The following CNBD1 variants were observed in gnomAD, a reference collection of about 807,000 sequenced individuals.
CNBD1 encodes the protein cyclic nucleotide-binding domain-containing protein 1.
A neutral mutation model predicts 54.4 loss-of-function variants in CNBD1; 71 were observed. The ratio of observed to expected loss-of-function variants is 1.30; its 90% CI spans 1.08 to 1.59. The LOEUF (loss-of-function observed/expected upper bound fraction) is 1.59, where lower values mean the gene tolerates loss of function less well. Ranked by LOEUF, CNBD1 falls within the 40% of genes most tolerant of loss-of-function variation. The probability of loss-of-function intolerance (pLI) is 0.00; values close to 1 mark genes in which losing one functional copy is unlikely to be tolerated. For synonymous variants in CNBD1, 182 were observed against 170.7 expected (o/e 1.07, Z -0.51); for missense variants, 659 against 518.0 (o/e 1.27, Z -2.64).
chr8:87,419,092 A>C (rs1300208075), intron 2 of CNBD1, among the ~76,000 whole-genome samples: 2 of 115,538 alleles, frequency 1.7e-5, no homozygotes, highest in African/African-American at 8.3e-5. Context: ...GCATGTCCAT[A>C]TTATATGTAT....
At chr8:87,074,978 T>A (rs1235377079) in intron 4 of CNBD1, among the ~76,000 whole-genome samples, 1 of 152,236 alleles carries the variant, frequency 6.6e-6, no homozygotes, top group African/African-American at 2.4e-5. Context: ...TTATTTAATC[T>A]GTCTTTTTGG....
chr8:86,933,945 T>A (rs993734609), intron 3 of CNBD1, among the ~76,000 whole-genome samples: 1 of 152,164 alleles, frequency 6.6e-6, no homozygotes, highest in Non-Finnish European at 1.5e-5. Flanking sequence ...TTGGATGTTA[T>A]GCCAAAATGC....
At chr8:87,377,412 T>C (rs551483779) in intron 10 of CNBD1, among the ~76,000 whole-genome samples, 1 of 151,822 alleles carries the variant, frequency 6.6e-6, no homozygotes, top group African/African-American at 2.4e-5. Context: ...GTTTGGTTTT[T>C]TGTTCTTGCG....
chr8:86,994,035 G>T (rs1808813789), intron 4 of CNBD1, among the ~76,000 whole-genome samples: 1 of 152,202 alleles, frequency 6.6e-6, no homozygotes, highest in African/African-American at 2.4e-5. Context: ...GCCCAGTACA[G>T]GGAGGCCCAT....
In CNBD1 at chr8:87,200,839, AAAAC is replaced by A. The variant is rs1175571890; in HGVS notation, c.432-5151_432-5148del. Among the ~76,000 whole-genome samples the A allele has an allele frequency of 7.2e-5, 11 of 152,278 alleles. No individual in the cohort carries two copies. In the East Asian group the frequency reaches 2.1e-3, roughly 29 times the overall value. ...TTTCTGCCAAACTCTTAAGGAACTA[AAAAC>A]AATTCTTCACAAAATCTTTCAAAAA... On this transcript the variant is annotated intron_variant, in intron 4 of 10. Transcript: ENST00000518476.
chr8:86,960,178 G>A (rs1807890551), intron 4 of CNBD1, among the ~76,000 whole-genome samples: 1 of 152,114 alleles, frequency 6.6e-6, no homozygotes, highest in African/African-American at 2.4e-5. Context: ...GCCAAAGCAG[G>A]GTGGGGCATC....
intron 4 of CNBD1, among the ~76,000 whole-genome samples, chr8:87,035,228 G>C (rs957227814): frequency 2.0e-5 from 3 of 152,062 alleles, no homozygotes; most frequent in African/African-American, 7.2e-5. Context: ...TTTGTTACAT[G>C]TGTATATTGT....
chr8:87,426,473 T>A (rs1808053042), intron 2 of CNBD1, among the ~76,000 whole-genome samples: 1 of 152,210 alleles, frequency 6.6e-6, no homozygotes, highest in South Asian at 2.1e-4. Context: ...TTCACAACCA[T>A]AAAATTGAGA....
At chr8:87,134,678 C>A (rs1468536481) in intron 4 of CNBD1, among the ~76,000 whole-genome samples, 1 of 129,580 alleles carries the variant, frequency 7.7e-6, no homozygotes, top group Admixed American at 9.0e-5. Flanking sequence ...TCTTGGCTAA[C>A]TGCAAGCTCC....
chr8:87,314,946 A>G (rs1809351370), intron 8 of CNBD1, among the ~76,000 whole-genome samples: 1 of 152,074 alleles, frequency 6.6e-6, no homozygotes, highest in Non-Finnish European at 1.5e-5. Flanking sequence ...TTTTATCACT[A>G]AATTCATTAG....
chr8:87,012,218 A>C (rs1230911943), intron 4 of CNBD1, among the ~76,000 whole-genome samples: 1 of 152,148 alleles, frequency 6.6e-6, no homozygotes, highest in Non-Finnish European at 1.5e-5. Context: ...TTGGTTGCAG[A>C]AATGTTGGCA....
At position 87,197,062 on chromosome 8, in the gene CNBD1, G is replaced by C. The variant is rs538200594; in HGVS notation, c.432-8931G>C. ...GGAATAGTATTTTTTATACACCACTGTATGTGGTCTGGATAACTCATAATA... is the reference window on the plus strand; with the variant it reads ...GGAATAGTATTTTTTATACACCACTCTATGTGGTCTGGATAACTCATAATA... On this transcript the variant is annotated intron_variant, in intron 4 of 10. Transcript: ENST00000518476. Among the ~76,000 whole-genome samples the C allele has an allele frequency of 1.3e-5, 2 of 152,306 alleles. 1 individual carries two copies. Among genetic ancestry groups the C allele is most frequent in the East Asian group, 3.9e-4 (2 of 5,182 alleles).
chr8:87,370,165 G>C (rs566373720), intron 10 of CNBD1, among the ~76,000 whole-genome samples: 3 of 151,720 alleles, frequency 2.0e-5, no homozygotes, highest in African/African-American at 7.3e-5. Flanking sequence ...CTTTGCTATT[G>C]TGAATAGTGC....
At chr8:87,361,617 G>A (rs547260628) in intron 10 of CNBD1, among the ~76,000 whole-genome samples, 67 of 151,176 alleles carry the variant, frequency 4.4e-4, no homozygotes, top group Non-Finnish European at 9.0e-4. Context: ...TTTACTCAAA[G>A]TATAGATTTT....
At chr8:86,919,111 T>C (rs1338307728) in intron 3 of CNBD1, among the ~76,000 whole-genome samples, 1 of 151,228 alleles carries the variant, frequency 6.6e-6, no homozygotes, top group African/African-American at 2.4e-5. Context: ...GACTGAAAAA[T>C]AAACAATCCT....
chr8:86,911,989 A>G (rs1228241983), intron 3 of CNBD1, among the ~76,000 whole-genome samples: 1 of 152,106 alleles, frequency 6.6e-6, no homozygotes, highest in African/African-American at 2.4e-5. Flanking sequence ...AAGTAAGAAG[A>G]TATTCCATGC....
chr8:87,175,508 T>A (rs1370211702), intron 4 of CNBD1, among the ~76,000 whole-genome samples: 1 of 152,198 alleles, frequency 6.6e-6, no homozygotes, highest in Non-Finnish European at 1.5e-5. Flanking sequence ...AGAAGTTCCC[T>A]TCTGGCCCAG....
In CNBD1 at chr8:87,377,184, G is replaced by A. The variant is rs1010093811; in HGVS notation, c.1304-5436G>A. Reference sequence around the variant, plus strand: ...ATTATTATTATACTTTAAGTTTTACGGTACATGTGCACATTGTGCAGGTTA... The same window carrying A: ...ATTATTATTATACTTTAAGTTTTACAGTACATGTGCACATTGTGCAGGTTA... On this transcript the variant is annotated intron_variant, in intron 10 of 10. Transcript: ENST00000518476. Among the ~76,000 whole-genome samples, 21 of 146,778 alleles carry A rather than the reference G, an allele frequency of 1.4e-4. No homozygotes were observed. In the East Asian group the frequency reaches 3.8e-3, roughly 27 times the overall value.
intron 6 of CNBD1, among the ~76,000 whole-genome samples, chr8:87,261,749 A>C (rs1012621600): frequency 6.6e-6 from 1 of 152,124 alleles, no homozygotes; most frequent in Admixed American, 6.5e-5. Flanking sequence ...CTGACTATTA[A>C]GCTAGGTTAC....
Sources: gnomAD v4.1 joint callset for allele counts (sites outside exome capture counted in the v4.1 genomes callset) on GRCh38, gnomAD v4.1.1 for gene constraint, MANE v1.5 for transcripts, NCBI Gene and HGNC (gene_info 2026-07-23, HGNC 2026-07-21) for gene names.